The following OTUD7A variants were observed in gnomAD, a reference collection of about 807,000 sequenced individuals.
The protein encoded by OTUD7A is OTU domain-containing protein 7A.
A neutral mutation model predicts 65.7 loss-of-function variants in OTUD7A; 12 were observed. That is an observed-to-expected ratio of 0.18 (90% CI 0.12 to 0.30). The LOEUF is 0.30. Ranked by LOEUF, OTUD7A falls within the 10% of genes least tolerant of loss-of-function variation. OTUD7A has a pLI of 1.00. For missense variants in OTUD7A, 1,148 were observed against 1,304.8 expected (o/e 0.88, Z 1.85); for synonymous variants, 641 against 586.3 (o/e 1.09, Z -1.35).
In OTUD7A at chr15:31,690,857, T is replaced by C. The variant is rs373771354; in HGVS notation, c.-99-33780A>G. Among the ~76,000 whole-genome samples, 116 of 152,344 alleles carry C rather than the reference T, an allele frequency of 7.6e-4. 1 individual carries two copies. Among genetic ancestry groups the C allele is most frequent in the African/African-American group, 2.7e-3 (111 of 41,570 alleles). ...AGGAAAATACAGAGGAAAAGCTTTA[T>C]GAAACTGGATTTGACAAGTATTTCT... On this transcript the variant is annotated intron_variant, in intron 1 of 12. Transcript: ENST00000307050.
chr15:31,767,470 C>G (rs762166682), intron 1 of OTUD7A: 52 of 772,792 alleles, frequency 6.7e-5, no homozygotes, highest in Non-Finnish European at 1.2e-4. Flanking sequence ...CACTTCATGG[C>G]AGATAATACC....
chr15:31,603,332 A>C (rs1890138264), intron 3 of OTUD7A, among the ~76,000 whole-genome samples: 1 of 152,192 alleles, frequency 6.6e-6, no homozygotes, highest in Admixed American at 6.5e-5. Context: ...AGACATAAAC[A>C]AGCAATGGGG....
chr15:31,793,149 C>G (rs1895863563), intron 1 of OTUD7A, among the ~76,000 whole-genome samples: 1 of 152,144 alleles, frequency 6.6e-6, no homozygotes, highest in African/African-American at 2.4e-5. Flanking sequence ...TGCACCTTCC[C>G]CGGAAGCAGC....
intron 1 of OTUD7A, among the ~76,000 whole-genome samples, chr15:31,853,570 T>C (rs1212282786): frequency 6.6e-6 from 1 of 152,192 alleles, no homozygotes; most frequent in East Asian, 1.9e-4. Context: ...TGGTTGGTCA[T>C]GAAAGGGCTG....
chr15:31,748,574 G>C (rs772258204), intron 1 of OTUD7A, among the ~76,000 whole-genome samples: 1 of 151,968 alleles, frequency 6.6e-6, no homozygotes, highest in Non-Finnish European at 1.5e-5. Context: ...TTCTATACAT[G>C]TGGAAGTAGA....
intron 8 of OTUD7A, among the ~76,000 whole-genome samples, chr15:31,507,104 A>G (rs946198098): frequency 1.9e-4 from 29 of 152,316 alleles, no homozygotes; most frequent in African/African-American, 7.0e-4. Flanking sequence ...TTCTACTTTT[A>G]TTAGATGCAG....
intron 3 of OTUD7A, among the ~76,000 whole-genome samples, chr15:31,577,233 A>C (rs1284991452): frequency 6.6e-6 from 1 of 152,172 alleles, no homozygotes; most frequent in Non-Finnish European, 1.5e-5. Context: ...GGAAAGATTA[A>C]CTAAGAGTCT....
chr15:31,713,489 G>A (rs1161815658), intron 1 of OTUD7A, among the ~76,000 whole-genome samples: 1 of 152,052 alleles, frequency 6.6e-6, no homozygotes, highest in African/African-American at 2.4e-5. Flanking sequence ...TGTGGTGGTG[G>A]GCGCCTGTAG....
chr15:31,665,870 T>A (rs1337323795), intron 1 of OTUD7A, among the ~76,000 whole-genome samples: 1 of 152,208 alleles, frequency 6.6e-6, no homozygotes, highest in Non-Finnish European at 1.5e-5. Flanking sequence ...CATAAAGCGA[T>A]GCTGGATTTT....
Position 31,708,837 on chromosome 15 carries a change from C to T in OTUD7A, c.-99-51760G>A, listed in dbSNP as rs556880006. Among the ~76,000 whole-genome samples the T allele has an allele frequency of 2.5e-3, 372 of 150,766 alleles. 2 individuals are homozygous for T. Among genetic ancestry groups the T allele is most frequent in the Non-Finnish European group, 2.6e-3 (173 of 67,772 alleles). On this transcript the variant is annotated intron_variant, in intron 1 of 12. Transcript: ENST00000307050. ...ACTCGATGACTAAGAAATGGAAAGC[C>T]CCACTTCAAGGGACTCTGACGGGGA... is the stretch of plus-strand genomic sequence containing the variant.
At chr15:31,657,787 C>T (rs1253903372) in intron 1 of OTUD7A, among the ~76,000 whole-genome samples, 1 of 152,190 alleles carries the variant, frequency 6.6e-6, no homozygotes, top group African/African-American at 2.4e-5. Context: ...GCCATCCTCA[C>T]CCACTGCTCC....
chr15:31,505,698 A>G (rs1314321000), intron 8 of OTUD7A, among the ~76,000 whole-genome samples: 1 of 152,138 alleles, frequency 6.6e-6, no homozygotes, highest in Non-Finnish European at 1.5e-5. Context: ...GAATAACATA[A>G]TAGCTTATAA....
At chr15:31,710,369 C>T (rs1893411143) in intron 1 of OTUD7A, among the ~76,000 whole-genome samples, 2 of 149,900 alleles carry the variant, frequency 1.3e-5, no homozygotes, top group African/African-American at 4.9e-5. Flanking sequence ...AAACGCACAC[C>T]TGCACGTGCT....
chr15:31,507,281 A>G (rs1423983917), intron 8 of OTUD7A, among the ~76,000 whole-genome samples: 2 of 152,224 alleles, frequency 1.3e-5, no homozygotes, highest in African/African-American at 4.8e-5. Context: ...AGGTGGTGAC[A>G]GAAGGACAGG....
intron 3 of OTUD7A, among the ~76,000 whole-genome samples, chr15:31,593,620 C>T (rs1889817584): frequency 6.6e-6 from 1 of 152,144 alleles, no homozygotes; most frequent in African/African-American, 2.4e-5. Context: ...ATGGAGGCCA[C>T]CTCTGGCTCA....
chr15:31,519,384 G>A (rs912539580), intron 8 of OTUD7A, among the ~76,000 whole-genome samples: 2 of 152,156 alleles, frequency 1.3e-5, no homozygotes, highest in African/African-American at 4.8e-5. Flanking sequence ...TTATCTTTTC[G>A]ATGTCCTGTT....
intron 1 of OTUD7A, among the ~76,000 whole-genome samples, chr15:31,825,118 C>A (rs1480134661): frequency 2.0e-5 from 3 of 152,198 alleles, no homozygotes; most frequent in African/African-American, 4.8e-5. Flanking sequence ...TGCTTTTGTG[C>A]CAGGTAAGAA....
intron 3 of OTUD7A, among the ~76,000 whole-genome samples, chr15:31,610,613 A>AT (rs1228282525): frequency 1.9e-3 from 59 of 31,640 alleles, no homozygotes; most frequent in African/African-American, 4.3e-3. Flanking sequence ...ATATATATAT[A>AT]TATATTTTTT....
intron 1 of OTUD7A, among the ~76,000 whole-genome samples, chr15:31,681,497 T>C (rs1023370683): frequency 6.6e-6 from 1 of 151,930 alleles, no homozygotes; most frequent in African/African-American, 2.4e-5. Context: ...CTGTATGTCT[T>C]TCAATCTATC....
Sources: gnomAD v4.1 joint callset for allele counts (sites outside exome capture counted in the v4.1 genomes callset) on GRCh38, gnomAD v4.1.1 for gene constraint, MANE v1.5 for transcripts, NCBI Gene and HGNC (gene_info 2026-07-23, HGNC 2026-07-21) for gene names.